Variants in IL7 observed in about 807,000 individuals in gnomAD.
The protein encoded by IL7 is interleukin 7, also known as interleukin-7.
In IL7, 3 loss-of-function variants were observed where a neutral mutation model predicts 21.6. That is an observed-to-expected ratio of 0.14 (90% CI 0.06 to 0.36). The LOEUF (loss-of-function observed/expected upper bound fraction) is 0.36, where lower values mean the gene tolerates loss of function less well. Ranked by LOEUF, IL7 falls within the 10% of genes least tolerant of loss-of-function variation. The probability of loss-of-function intolerance (pLI) is 1.00; values close to 1 mark genes in which losing one functional copy is unlikely to be tolerated. For synonymous variants in IL7, 62 were observed against 68.1 expected (o/e 0.91, Z 0.44); for missense variants, 175 against 200.2 (o/e 0.87, Z 0.76).
intron 3 of IL7, chr8:78,686,362 T>A: frequency 1.0e-6 from 1 of 1,001,050 alleles, no homozygotes; most frequent in Non-Finnish European, 1.3e-6. Flanking sequence ...GGACTCCTGA[T>A]AAGAGAACAT....
At chr8:78,775,155 T>C (rs147387734) in intron 2 of IL7, among the ~76,000 whole-genome samples, 1 of 152,220 alleles carries the variant, frequency 6.6e-6, no homozygotes, top group African/African-American at 2.4e-5. Flanking sequence ...TTTATTAATT[T>C]ACTTTAATCC....
intron 2 of IL7, among the ~76,000 whole-genome samples, chr8:78,784,027 A>C (rs566483985): frequency 1.3e-5 from 2 of 152,348 alleles, no homozygotes; most frequent in Non-Finnish European, 2.9e-5. Flanking sequence ...AATATGGTGA[A>C]GACTATAAGT....
intron 4 of IL7, among the ~76,000 whole-genome samples, chr8:78,684,821 A>T (rs1809910552): frequency 6.6e-6 from 1 of 152,206 alleles, no homozygotes; most frequent in Non-Finnish European, 1.5e-5. Context: ...AGACTTCCAC[A>T]AAGTAAAAAA....
intron 2 of IL7, among the ~76,000 whole-genome samples, chr8:78,788,256 C>T (rs1273481413): frequency 6.6e-6 from 1 of 152,012 alleles, no homozygotes; most frequent in East Asian, 1.9e-4. Context: ...AATTTCATCT[C>T]TAATTTCATT....
At chr8:78,731,163 T>C (rs1234182890), downstream of IL7, among the ~76,000 whole-genome samples, 2 of 151,934 alleles carry the variant, frequency 1.3e-5, no homozygotes, top group Non-Finnish European at 2.9e-5. Flanking sequence ...CAAAGAAACT[T>C]TTCTAGTTCA....
At chr8:78,755,921 A>C (rs1019595143) in intron 2 of IL7, among the ~76,000 whole-genome samples, 4 of 152,074 alleles carry the variant, frequency 2.6e-5, no homozygotes, top group Non-Finnish European at 5.9e-5. Context: ...ATTATAAGAA[A>C]GACTTTCAGT....
downstream of IL7, chr8:78,675,628 T>C: frequency 1.6e-6 from 1 of 616,902 alleles, no homozygotes; most frequent in Non-Finnish European, 2.7e-6. Context: ...CTAAGTATTA[T>C]GCTCCTTTTC....
intron 1 of IL7, 131 bp from the exon 2 acceptor site, chr8:78,798,339 A>G (rs1813932818): frequency 3.2e-6 from 2 of 618,062 alleles, no homozygotes; most frequent in Non-Finnish European, 5.4e-6. Flanking sequence ...ATACTACAGG[A>G]AGAACCTCAA....
rs1191432946 is a variant in IL7 at position 78,804,775 on chromosome 8, G to C, written c.10+138C>G. On this transcript the variant is annotated intron_variant, in intron 1 of 5. Transcript: ENST00000263851. Reference sequence around the variant, plus strand: ...GCGGCTGTTGGCTGCCCATGGGAGAGCCAGTGCTCTCCGCAGGTCCAAAGT... The same window carrying C: ...GCGGCTGTTGGCTGCCCATGGGAGACCCAGTGCTCTCCGCAGGTCCAAAGT... 16 of 922,958 alleles carry C rather than the reference G, an allele frequency of 1.7e-5. No homozygotes were observed. In the South Asian group the frequency reaches 2.4e-4, roughly 14 times the overall value. 57.2% of individuals were successfully genotyped at this position (922,958 alleles called of 1,614,324 possible).
chr8:78,708,566 A>C (rs980405339), intron 3 of IL7, among the ~76,000 whole-genome samples: 3 of 152,036 alleles, frequency 2.0e-5, no homozygotes, highest in Non-Finnish European at 4.4e-5. Context: ...TAAATGTAAA[A>C]AAAAGCAATC....
chr8:78,792,355 T>C (rs1393252637), intron 2 of IL7, among the ~76,000 whole-genome samples: 1 of 152,108 alleles, frequency 6.6e-6, no homozygotes, highest in East Asian at 1.9e-4. Flanking sequence ...TAGATGTAAA[T>C]CTTTGTTGTC....
intron 2 of IL7, chr8:78,762,266 T>G: frequency 6.3e-7 from 1 of 1,579,658 alleles, no homozygotes; most frequent in South Asian, 1.1e-5. Context: ...TAATCGATAA[T>G]GTTTATTTAG....
intron 2 of IL7, among the ~76,000 whole-genome samples, chr8:78,767,528 T>C (rs1812793217): frequency 6.6e-6 from 1 of 152,084 alleles, no homozygotes; most frequent in South Asian, 2.1e-4. Flanking sequence ...AGTATACATA[T>C]CCACTAATCA....
At chr8:78,683,321 C>A (rs1463005968) in intron 4 of IL7, among the ~76,000 whole-genome samples, 1 of 152,256 alleles carries the variant, frequency 6.6e-6, no homozygotes, top group East Asian at 1.9e-4. Flanking sequence ...AAACAAACTT[C>A]TTCCTGGACA....
rs146565656 is a variant in IL7 at position 78,772,714 on chromosome 8, C to T, written c.147+25358G>A. Among the ~76,000 whole-genome samples the T allele has an allele frequency of 3.2e-4, 49 of 152,132 alleles. No homozygotes were observed. In the East Asian group the frequency reaches 7.3e-3, roughly 23 times the overall value. ...CATCGCCAAATTTCTAAATGAAGAC[C>T]CCAAACATTTCTAATATTAAACACT... On this transcript the variant is annotated intron_variant, in intron 2 of 5. Transcript: ENST00000263851.
chr8:78,696,264 G>A (rs1366423222), intron 3 of IL7, among the ~76,000 whole-genome samples: 2 of 152,228 alleles, frequency 1.3e-5, no homozygotes, highest in East Asian at 1.9e-4. Context: ...TCGATCTCCT[G>A]ACCTTGTGAT....
At chr8:78,721,277 TC>T in intron 4 of IL7, 1 of 152,142 alleles carries the variant, frequency 6.6e-6, no homozygotes, top group South Asian at 2.1e-4. Flanking sequence ...GCTCAGCATT[TC>T]CCATTTTTTC....
chr8:78,752,069 A>C (rs1461480647), intron 2 of IL7, among the ~76,000 whole-genome samples: 1 of 152,182 alleles, frequency 6.6e-6, no homozygotes, highest in African/African-American at 2.4e-5. Flanking sequence ...AAAGTCCTCC[A>C]GGCTCATCTG....
At chr8:78,735,276 CTTTTTTTT>C in intron 5 of IL7, among the ~76,000 whole-genome samples, 1 of 78,518 alleles carries the variant, frequency 1.3e-5, no homozygotes, top group East Asian at 3.7e-4. Flanking sequence ...CTTTTCTTTT[CTTTTTTTT>C]TTTTTTTTGT....
Sources: gnomAD v4.1 joint callset for allele counts (sites outside exome capture counted in the v4.1 genomes callset) on GRCh38, gnomAD v4.1.1 for gene constraint, MANE v1.5 for transcripts, NCBI Gene and HGNC (gene_info 2026-07-23, HGNC 2026-07-21) for gene names.